LHX6: variants seen among roughly 807,000 people sequenced by gnomAD.
The protein encoded by LHX6 is LIM homeobox 6.
In LHX6, 15 loss-of-function variants were observed where a neutral mutation model predicts 47.1. That is an observed-to-expected ratio of 0.32 (90% CI 0.21 to 0.49). LHX6 has a LOEUF of 0.49. Ranked by LOEUF, LHX6 falls within the 20% of genes least tolerant of loss-of-function variation. The pLI is 0.99. For synonymous variants in LHX6, 242 were observed against 233.5 expected, an observed-to-expected ratio of 1.04 and a Z score of -0.33; for missense variants, 404 against 539.6, an observed-to-expected ratio of 0.75 and a Z score of 2.49.
chr9:122,208,347 C>G (rs1473782444), intron 9 of LHX6, among the ~76,000 whole-genome samples: 1 of 152,112 alleles, frequency 6.6e-6, no homozygotes, highest in Non-Finnish European at 1.5e-5. Context: ...CTTCCCCCTC[C>G]CCAGCTCCCA....
Position 122,226,565 on chromosome 9 carries a change from C to G in LHX6, c.340-68G>C. The G allele has an allele frequency of 3.2e-6, 5 of 1,570,282 alleles. No homozygotes were observed. Among genetic ancestry groups the G allele is most frequent in the African/African-American group, 1.4e-5 (1 of 72,948 alleles). On this transcript the variant is annotated intron_variant, in intron 3 of 9. Transcript: ENST00000394319. This position sits in a 1 kb window ranked among gnomAD's most constrained non-coding sequence, Gnocchi z 6.5. Reference sequence around the variant, plus strand: ...CTTTCACTCCGGGCCCCAGCCTTCCCGGTCTCATTTACAGTCAGAGGCGCT... The same window carrying G: ...CTTTCACTCCGGGCCCCAGCCTTCCGGGTCTCATTTACAGTCAGAGGCGCT...
chr9:122,214,270 C>A lies in LHX6; in HGVS notation c.783+13G>T. 2 of 1,585,412 alleles carry A rather than the reference C, an allele frequency of 1.3e-6. No individual in the cohort carries two copies. The highest frequency in any genetic ancestry group is 1.7e-6 in the Non-Finnish European group (2 of 1,171,176). ...CGGCCCCCGCCCCCGCCGCCCACTG[C>A]TTGCAGCGGTACCTGCAGCTGTTCC... On this transcript the variant is annotated intron_variant, in intron 6 of 9. Coordinates refer to ENST00000394319, the MANE Select transcript of LHX6 (RefSeq NM_014368.5). The surrounding 1 kb of genome is among the most constrained non-coding windows in gnomAD (Gnocchi z 4.6).
In LHX6 at chr9:122,228,782, A is replaced by T. The variant is rs1831220450; in HGVS notation, c.-42T>A. On this transcript the variant is annotated 5_prime_UTR_variant, in exon 1 of 10. Coordinates refer to ENST00000394319, the MANE Select transcript of LHX6 (RefSeq NM_014368.5). ...GGCTCAGCGGGCGCGCAGCGCGGAG[A>T]GCTGCGCCGAGGGGGACCACAGCCG... The T allele has an allele frequency of 1.7e-6, 2 of 1,200,884 alleles. No individual in the cohort carries two copies. 74.4% of individuals were successfully genotyped at this position (1,200,884 alleles called of 1,614,324 possible). A position where few individuals can be genotyped will look rare whatever the true frequency, so the allele number is the denominator to read the frequency against.
At chr9:122,224,023 G>A (rs999938435) in intron 4 of LHX6, among the ~76,000 whole-genome samples, 1 of 151,890 alleles carries the variant, frequency 6.6e-6, no homozygotes, top group African/African-American at 2.4e-5. Context: ...ATGTTTTTTT[G>A]TATGTTTGTT....
intron 8 of LHX6, among the ~76,000 whole-genome samples, chr9:122,212,143 T>G (rs181189098): frequency 1.9e-4 from 29 of 152,310 alleles, no homozygotes; most frequent in African/African-American, 7.0e-4. Flanking sequence ...TTACCTCGTT[T>G]GATGCTCAGA....
chr9:122,228,715 G>A lies in LHX6; in HGVS notation c.26C>T (p.Ala9Val). The A allele has an allele frequency of 1.5e-6, 2 of 1,292,646 alleles. No homozygotes were observed. Among genetic ancestry groups the A allele is most frequent in the Non-Finnish European group, 2.0e-6 (2 of 1,019,174 alleles). The allele number at this position is 1,292,646 out of a possible 1,614,324, so 80.1% of individuals were successfully genotyped here. A position where few individuals can be genotyped will look rare whatever the true frequency, so the allele number is the denominator to read the frequency against. The change falls in exon 1 of 10, where the codon GCC becomes GTC. Residue 9 changes from alanine to valine, a missense_variant. This residue lies in a region of LHX6 where 144 missense variants were observed against 128.7 expected (regional missense o/e 1.12). Transcript: ENST00000394319. MYWKHENA[A>V]PALPEGCRLP... ...CCGGCAGCCCTCGGGCAACGCCGGG[G>A]CGGCGTTCTCATGCTTCCAGTACAT...
rs1830041591 is a variant in LHX6, at chr9:122,202,946, TG to T, written c.*1813del. 6.6e-6 allele frequency: 1 copy of T among 152,344 alleles called. No homozygotes were observed. The highest frequency in any genetic ancestry group is 1.5e-5 in the Non-Finnish European group (1 of 68,032). 9.4% of individuals were successfully genotyped at this position (152,344 alleles called of 1,614,324 possible). Reference sequence around the variant, plus strand: ...CACATGGTTGCCACTGGGGCCTTGATGATCAGGAGCAAAAATCAAAGGAAAG... The same window carrying T: ...CACATGGTTGCCACTGGGGCCTTGATATCAGGAGCAAAAATCAAAGGAAAG... On this transcript the variant is annotated 3_prime_UTR_variant, in exon 10 of 10. Coordinates refer to ENST00000394319, the MANE Select transcript of LHX6 (RefSeq NM_014368.5).
At chr9:122,211,171 C>G (rs988690452) in intron 8 of LHX6, among the ~76,000 whole-genome samples, 2 of 152,162 alleles carry the variant, frequency 1.3e-5, no homozygotes, top group African/African-American at 4.8e-5. Context: ...CTTCTTTAGG[C>G]TTCATTCTCT....
chr9:122,221,998 A>G (rs565359534), intron 4 of LHX6, among the ~76,000 whole-genome samples: 2 of 152,228 alleles, frequency 1.3e-5, no homozygotes, highest in Non-Finnish European at 2.9e-5. Context: ...TTATGAGAGT[A>G]TCATACACAC....
intron 1 of LHX6, 170 bp downstream of exon 1, chr9:122,228,486 AC>A (rs398012140): frequency 0.016 from 18,334 of 1,143,224 alleles, no homozygotes; most frequent in African/African-American, 0.053. Flanking sequence ...GCTTTCCGCG[AC>A]CCCCCCCCCC....
At chr9:122,208,412 A>T (rs995441936) in intron 9 of LHX6, among the ~76,000 whole-genome samples, 15 of 151,454 alleles carry the variant, frequency 9.9e-5, no homozygotes, top group Admixed American at 2.0e-4. Context: ...CCCCCTCCAG[A>T]CTCTGGCCTC....
chr9:122,224,382 A>T (rs1324164138), intron 4 of LHX6, among the ~76,000 whole-genome samples: 3 of 152,184 alleles, frequency 2.0e-5, no homozygotes, highest in Non-Finnish European at 4.4e-5. Context: ...GTGGCTAGAC[A>T]GTGACTGTAA....
Position 122,213,900 on chromosome 9 carries a change from C to T in LHX6, c.879+74G>A, listed in dbSNP as rs774502616. On this transcript the variant is annotated intron_variant, in intron 7 of 9. Coordinates refer to ENST00000394319, the MANE Select transcript of LHX6 (RefSeq NM_014368.5). This position sits in a 1 kb window ranked among gnomAD's most constrained non-coding sequence, Gnocchi z 5.5. ...GAAGGATGGCCACGTGCACGCACCA[C>T]CCTCCGCGCCGAGCCCAGCTACGAG... is the stretch of plus-strand genomic sequence containing the variant. 2.0e-5 allele frequency: 30 copies of T among 1,525,350 alleles called. No individual in the cohort carries two copies. The South Asian group carries it at 2.7e-4, about 14-fold the overall frequency. The allele number at this position is 1,525,350 out of a possible 1,614,324, so 94.5% of individuals were successfully genotyped here.
rs1325088212 is a variant in LHX6, at chr9:122,213,296, G to A, written c.1054+310C>T. ...CCCACCAGAACGCAGGCTCCACAGA[G>A]TAGGTACCTTGTCCAGCCTGTTCTC... On this transcript the variant is annotated intron_variant, in intron 8 of 9. Transcript: ENST00000394319. This position sits in a 1 kb window ranked among gnomAD's most constrained non-coding sequence, Gnocchi z 5.5. 6.6e-6 allele frequency among the ~76,000 whole-genome samples: 1 copy of A among 152,118 alleles called. No individual in the cohort carries two copies. The highest frequency in any genetic ancestry group is 1.5e-5 in the Non-Finnish European group (1 of 68,032).
In LHX6 at chr9:122,227,482, TG is replaced by T; in HGVS notation, c.85-3del. 1 of 369,220 alleles carries T rather than the reference TG, an allele frequency of 2.7e-6. No homozygotes were observed. The highest frequency in any genetic ancestry group is 3.0e-5 in the African/African-American group (1 of 33,656). 22.9% of individuals were successfully genotyped at this position (369,220 alleles called of 1,614,324 possible). A position where few individuals can be genotyped will look rare whatever the true frequency, so the allele number is the denominator to read the frequency against. The stretch of plus-strand genomic sequence containing the variant: ...GCCGGACCCTGGCTGGGCCATCACC[TG>T]GGGGAGGGGGGGAGGGAACGCAGGC... On this transcript the variant is annotated splice_region_variant and splice_polypyrimidine_tract_variant and intron_variant, in intron 1 of 9. Transcript: ENST00000394319.
chr9:122,204,706 GGCTGAGGGGCA>G lies in LHX6; in HGVS notation c.*43_*53del. On this transcript the variant is annotated 3_prime_UTR_variant, in exon 10 of 10. Transcript: ENST00000394319. The stretch of plus-strand genomic sequence containing the variant: ...CGCAGCTTGGACACTGGATCTCAGC[GGCTGAGGGGCA>G]GCTGTGGGGCGCCCACGGGCAGATG... The G allele has an allele frequency of 6.3e-7, 1 of 1,590,512 alleles. No individual in the cohort carries two copies. The highest frequency in any genetic ancestry group is 8.6e-7 in the Non-Finnish European group (1 of 1,168,128).
intron 1 of LHX6, chr9:122,228,133 G>C: frequency 1.2e-5 from 6 of 481,104 alleles, no homozygotes; most frequent in Non-Finnish European, 2.1e-5. Context: ...TGACACGCGC[G>C]GCGAAATTGA....
rs1830466674 is a variant in LHX6, at chr9:122,213,483, G to A, written c.1054+123C>T. 1.3e-5 allele frequency: 11 copies of A among 865,224 alleles called. No individual in the cohort carries two copies. Among genetic ancestry groups the A allele is most frequent in the South Asian group, 7.2e-5 (4 of 55,378 alleles). 53.6% of individuals were successfully genotyped at this position (865,224 alleles called of 1,614,324 possible). ...CTAGATCCAAATGACTTCGGGTCCC[G>A]CTTCTTCACCCACGAGGCTCCCCAA... On this transcript the variant is annotated intron_variant, in intron 8 of 9. Transcript: ENST00000394319. The surrounding 1 kb of genome is among the most constrained non-coding windows in gnomAD (Gnocchi z 5.5).
At chr9:122,221,197 T>C in intron 4 of LHX6, 1 of 985,004 alleles carries the variant, frequency 1.0e-6, no homozygotes, top group Non-Finnish European at 1.2e-6. Context: ...CCCTTCTAGG[T>C]AAACCCGTAG....
Sources: gnomAD v4.1 joint callset for allele counts (sites outside exome capture counted in the v4.1 genomes callset) on GRCh38, gnomAD v4.1.1 for gene constraint, gnomAD v4.1.1 regional missense constraint, Gnocchi (gnomAD v3.1) non-coding constraint, MANE v1.5 for transcripts, NCBI Gene and HGNC (gene_info 2026-07-23, HGNC 2026-07-21) for gene names.